CDH23: variants seen among roughly 807,000 people sequenced by gnomAD.
The protein encoded by CDH23 is cadherin-23.
CDH23 carries 189 observed loss-of-function variants against 317.1 expected under a neutral mutation model. That is an observed-to-expected ratio of 0.60 (90% CI 0.53 to 0.67). CDH23 has a LOEUF of 0.67. Among genes scored for constraint, CDH23 ranks in the 30% least tolerant of loss-of-function variants. CDH23 has a pLI of 0.00. For missense variants in CDH23, 4,401 were observed against 4,592.4 expected, an observed-to-expected ratio of 0.96 and a Z score of 1.20; for synonymous variants, 1,839 against 1,876.8, an observed-to-expected ratio of 0.98 and a Z score of 0.52.
chr10:71,615,759 C>A (rs1861152123), intron 10 of CDH23, 143 bp downstream of exon 10: 1 of 635,010 alleles, frequency 1.6e-6, no homozygotes, highest in Non-Finnish European at 2.8e-6. Context: ...TGCACTGCCT[C>A]CCGGGGCTGT....
chr10:71,483,592 T>C (rs1363661337), intron 3 of CDH23, among the ~76,000 whole-genome samples: 1 of 152,184 alleles, frequency 6.6e-6, no homozygotes, highest in East Asian at 1.9e-4. Context: ...TGCGTCTTAA[T>C]CACTGCAGTC....
At chr10:71,445,388 G>C (rs1302341708) in intron 2 of CDH23, among the ~76,000 whole-genome samples, 5 of 152,140 alleles carry the variant, frequency 3.3e-5, no homozygotes, top group African/African-American at 4.8e-5. Flanking sequence ...TCGTCTTGTG[G>C]GTTGTCTAAG....
intron 17 of CDH23, among the ~76,000 whole-genome samples, 188 bp downstream of exon 17, chr10:71,679,680 C>T (rs1007767323): frequency 1.3e-5 from 2 of 152,244 alleles, no homozygotes; most frequent in Admixed American, 1.3e-4. Context: ...GTAGGGTCAA[C>T]ATCTGTGTCC....
At chr10:71,475,780 T>C (rs1384871865) in intron 3 of CDH23, among the ~76,000 whole-genome samples, 1 of 152,220 alleles carries the variant, frequency 6.6e-6, no homozygotes, top group African/African-American at 2.4e-5. Flanking sequence ...ATGCAGGCCC[T>C]GAGGGGCGGA....
In CDH23 at chr10:71,690,506, C is replaced by G. The variant is rs776179827; in HGVS notation, c.2098C>G (p.Arg700Gly). 5.6e-6 allele frequency: 9 copies of G among 1,610,936 alleles called. No homozygotes were observed. The highest frequency in any genetic ancestry group is 3.4e-6 in the Non-Finnish European group (4 of 1,178,804). ...GTTCCTGAATGCCACAGACCTGGAC[C>G]GCTCCCGGGAGTACGGCCAGGAGTC... The part of the protein sequence containing the change: ...VLFLNATDLD[R>G]SREYGQESII... The change falls in exon 20 of 70, where the codon CGC becomes GGC. Residue 700 changes from arginine to glycine, a missense_variant. Around this residue, in one of 3 missense-constraint regions of CDH23, gnomAD observed 3,068 missense variants for 3,203.3 expected, o/e 0.96. Transcript: ENST00000224721.
At chr10:71,512,053 A>C (rs1386911845) in intron 6 of CDH23, 1 of 152,210 alleles carries the variant, frequency 6.6e-6, no homozygotes, top group Non-Finnish European at 1.5e-5. Context: ...TTTGAGTTCT[A>C]ACTCCTTGAT....
At chr10:71,658,778 G>A (rs1414388605) in intron 14 of CDH23, among the ~76,000 whole-genome samples, 2 of 152,158 alleles carry the variant, frequency 1.3e-5, no homozygotes, top group Non-Finnish European at 2.9e-5. Context: ...CAGACGGTCT[G>A]ACCCCAAAGC....
chr10:71,596,016 C>A (rs994185004), intron 9 of CDH23, among the ~76,000 whole-genome samples: 1 of 152,166 alleles, frequency 6.6e-6, no homozygotes, highest in Non-Finnish European at 1.5e-5. Flanking sequence ...CTAATTGGGG[C>A]TTGGCTCTGG....
At chr10:71,671,723 C>A (rs1001914795) in intron 14 of CDH23, among the ~76,000 whole-genome samples, 1 of 152,130 alleles carries the variant, frequency 6.6e-6, no homozygotes, top group Non-Finnish European at 1.5e-5. Flanking sequence ...GGTCAGCCAG[C>A]ATCTGGGGGG....
intron 11 of CDH23, among the ~76,000 whole-genome samples, chr10:71,639,621 G>T (rs1434388379): frequency 2.0e-5 from 3 of 152,192 alleles, no homozygotes; most frequent in African/African-American, 7.2e-5. Context: ...CTTGGCTGCT[G>T]TGTGGCTTGA....
intron 1 of CDH23, among the ~76,000 whole-genome samples, chr10:71,425,907 G>C (rs1849054513): frequency 6.6e-6 from 1 of 152,224 alleles, no homozygotes; most frequent in Non-Finnish European, 1.5e-5. Context: ...GAAGCTGCTG[G>C]GTTCTCAGCA....
At chr10:71,735,945 CAG>C (rs1359490203) in intron 34 of CDH23, among the ~76,000 whole-genome samples, 1 of 152,256 alleles carries the variant, frequency 6.6e-6, no homozygotes, top group Non-Finnish European at 1.5e-5. Flanking sequence ...GGCAGACACT[CAG>C]GGGTAAAGTG....
At chr10:71,577,868 A>C in intron 8 of CDH23, 46 bp from the exon 9 acceptor site, 2 of 1,495,184 alleles carry the variant, frequency 1.3e-6, no homozygotes, top group Admixed American at 3.9e-5. Context: ...AAAGAAAGAC[A>C]GCAGCCAGGG....
At chr10:71,583,045 C>T (rs946954946) in intron 9 of CDH23, among the ~76,000 whole-genome samples, 2 of 152,160 alleles carry the variant, frequency 1.3e-5, no homozygotes, top group African/African-American at 4.8e-5. Context: ...GGGGGTGCCT[C>T]ATCCACTCAA....
chr10:71,600,767 C>T (rs1290666423), intron 9 of CDH23, among the ~76,000 whole-genome samples: 4 of 151,540 alleles, frequency 2.6e-5, no homozygotes, highest in Admixed American at 6.6e-5. Context: ...CCACACGCCT[C>T]GGCCTCCCAA....
chr10:71,806,357 TAC>T (rs1321726730), intron 57 of CDH23, 76 bp downstream of exon 57: 10 of 981,416 alleles, frequency 1.0e-5, no homozygotes, highest in East Asian at 7.9e-5. Context: ...CTCTCCTATA[TAC>T]ACTGTGCCAG....
At chr10:71,695,142 TG>T (rs1266830731) in intron 21 of CDH23, among the ~76,000 whole-genome samples, 1 of 152,186 alleles carries the variant, frequency 6.6e-6, no homozygotes, top group Non-Finnish European at 1.5e-5. Flanking sequence ...GAGGCAGGGA[TG>T]GGGGAAGCCC....
intron 1 of CDH23, among the ~76,000 whole-genome samples, chr10:71,403,116 C>T (rs1232056484): frequency 6.6e-6 from 1 of 151,644 alleles, no homozygotes; most frequent in African/African-American, 2.4e-5. Flanking sequence ...AGCCAGACTC[C>T]ATCTCAAAAG....
At chr10:71,532,576 T>G (rs1355040858) in intron 6 of CDH23, among the ~76,000 whole-genome samples, 1 of 152,154 alleles carries the variant, frequency 6.6e-6, no homozygotes, top group Non-Finnish European at 1.5e-5. Flanking sequence ...TGAGGTCCAC[T>G]TTTAACTCCC....
Sources: gnomAD v4.1 joint callset for allele counts (sites outside exome capture counted in the v4.1 genomes callset) on GRCh38, gnomAD v4.1.1 for gene constraint, gnomAD v4.1.1 regional missense constraint, MANE v1.5 for transcripts, NCBI Gene and HGNC (gene_info 2026-07-23, HGNC 2026-07-21) for gene names.